ITGA11: variants seen among roughly 807,000 people sequenced by gnomAD.
The protein encoded by ITGA11 is integrin subunit alpha 11.
Under a neutral mutation model 141.9 loss-of-function variants are expected in ITGA11, and 97 were observed. That is an observed-to-expected ratio of 0.68 (90% CI 0.58 to 0.81). ITGA11 has a LOEUF of 0.81. ITGA11 is among the 30% of genes least tolerant of loss of function. The pLI is 0.00. For missense variants in ITGA11, 1,387 were observed against 1,559.2 expected (o/e 0.89, Z 1.86); for synonymous variants, 658 against 624.6 (o/e 1.05, Z -0.80).
chr15:68,315,292 C>T (rs946802116), intron 22 of ITGA11, among the ~76,000 whole-genome samples: 1 of 152,180 alleles, frequency 6.6e-6, no homozygotes, highest in Non-Finnish European at 1.5e-5. Context: ...ATAACCCCTG[C>T]TTTGATGATC....
rs1420363022 is a variant in ITGA11, at chr15:68,400,631, ATAT to A, written c.164+2284_164+2286del. 1.4e-4 allele frequency among the ~76,000 whole-genome samples: 10 copies of A among 74,072 alleles called. 1 individual carries two copies. The South Asian group carries it at 1.5e-3, about 11-fold the overall frequency. The allele number at this position is 74,072 out of a possible 152,430, so 48.6% of individuals were successfully genotyped here. ...ATATATAATATATATTATATAATAAATATTATAATATTATATATTATATAATAA... is the reference window on the plus strand; with the variant it reads ...ATATATAATATATATTATATAATAAATATAATATTATATATTATATAATAA... On this transcript the variant is annotated intron_variant, in intron 2 of 29. Transcript: ENST00000315757.
rs1264252347 is a variant in ITGA11, at chr15:68,335,253, T to C, written c.1425+444A>G. 1.3e-5 allele frequency among the ~76,000 whole-genome samples: 2 copies of C among 152,090 alleles called. No individual in the cohort carries two copies. The highest frequency in any genetic ancestry group is 2.4e-5 in the African/African-American group (1 of 41,424). ...GCTTGACCCAGTCATGAATTTGCCATAGAACCCTGGGAAAGCCACCTTGCT... is the reference window on the plus strand; with the variant it reads ...GCTTGACCCAGTCATGAATTTGCCACAGAACCCTGGGAAAGCCACCTTGCT... On this transcript the variant is annotated intron_variant, in intron 12 of 29. Coordinates refer to ENST00000315757, the MANE Select transcript of ITGA11 (RefSeq NM_001004439.2). This position sits in a 1 kb window ranked among gnomAD's most constrained non-coding sequence, Gnocchi z 4.9.
At position 68,339,491 on chromosome 15, in the gene ITGA11, C is replaced by A; in HGVS notation, c.1276+9G>T. On this transcript the variant is annotated intron_variant, in intron 11 of 29. Transcript: ENST00000315757. Reference sequence around the variant, plus strand: ...GACCCGCCAGCCTCCCCTCACTCTGCGCTCTTACCCAGGTATGCACCATGG... The same window carrying A: ...GACCCGCCAGCCTCCCCTCACTCTGAGCTCTTACCCAGGTATGCACCATGG... 6.2e-7 allele frequency: 1 copy of A among 1,609,730 alleles called. No individual in the cohort carries two copies. Among genetic ancestry groups the A allele is most frequent in the South Asian group, 1.1e-5 (1 of 90,174 alleles).
intron 2 of ITGA11, among the ~76,000 whole-genome samples, chr15:68,396,456 C>G (rs1302868375): frequency 6.6e-6 from 1 of 151,856 alleles, no homozygotes; most frequent in African/African-American, 2.4e-5. Flanking sequence ...AATGAATAAA[C>G]TAGAGTTAAC....
chr15:68,349,399 T>G (rs1032763028), intron 9 of ITGA11, among the ~76,000 whole-genome samples: 1 of 152,228 alleles, frequency 6.6e-6, no homozygotes, highest in African/African-American at 2.4e-5. Flanking sequence ...AGAAATCCCA[T>G]GAGTGCTGAA....
intron 10 of ITGA11, among the ~76,000 whole-genome samples, chr15:68,345,135 T>C (rs939785052): frequency 6.6e-6 from 1 of 152,028 alleles, no homozygotes; most frequent in Non-Finnish European, 1.5e-5. Flanking sequence ...GCTTGACAGG[T>C]AGTTCACTAC....
chr15:68,344,996 T>C (rs1425436306), intron 10 of ITGA11, among the ~76,000 whole-genome samples: 1 of 151,982 alleles, frequency 6.6e-6, no homozygotes, highest in African/African-American at 2.4e-5. Flanking sequence ...GTAGTCCTCT[T>C]TCTCCCTCTG....
intron 1 of ITGA11, among the ~76,000 whole-genome samples, chr15:68,405,030 G>A (rs1386520438): frequency 5.3e-5 from 8 of 152,116 alleles, no homozygotes; most frequent in Admixed American, 2.0e-4. Flanking sequence ...GCTTGGACCC[G>A]CACACGAGTG....
intron 1 of ITGA11, among the ~76,000 whole-genome samples, chr15:68,422,514 C>T (rs1469123824): frequency 6.6e-6 from 1 of 152,156 alleles, no homozygotes; most frequent in Admixed American, 6.5e-5. Context: ...TACCTGCTCC[C>T]CATCGTAGCC....
Position 68,298,055 on chromosome 15 carries a change from TCATC to T in ITGA11, c.*5000_*5003del, listed in dbSNP as rs1242867031. On this transcript the variant is annotated 3_prime_UTR_variant, in exon 30 of 30. Coordinates refer to ENST00000315757, the MANE Select transcript of ITGA11 (RefSeq NM_001004439.2). ...CAATAACCTAGTGAGACTGCGGAAA[TCATC>T]CAGACAGGTTTTAAAACATTTTTTT... 6.6e-6 allele frequency: 1 copy of T among 152,204 alleles called. No homozygotes were observed. The highest frequency in any genetic ancestry group is 1.5e-5 in the Non-Finnish European group (1 of 68,036). The allele number at this position is 152,204 out of a possible 1,614,324, so 9.4% of individuals were successfully genotyped here.
chr15:68,331,484 G>C (rs1385868378), intron 14 of ITGA11, among the ~76,000 whole-genome samples: 1 of 152,098 alleles, frequency 6.6e-6, no homozygotes, highest in East Asian at 1.9e-4. Flanking sequence ...TTTGAGGTGG[G>C]CATGGTTTCT....
chr15:68,313,029 C>T (rs757994807), intron 23 of ITGA11, among the ~76,000 whole-genome samples, 166 bp from the exon 24 acceptor site: 4 of 152,222 alleles, frequency 2.6e-5, no homozygotes, highest in Non-Finnish European at 5.9e-5. Flanking sequence ...GATTCTGAGC[C>T]TTTGCAGGAA....
chr15:68,343,107 G>C (rs538408824), intron 10 of ITGA11, among the ~76,000 whole-genome samples: 1 of 151,684 alleles, frequency 6.6e-6, no homozygotes, highest in African/African-American at 2.4e-5. Context: ...TTCTTAGCAG[G>C]GCACTTGGCA....
At chr15:68,358,693 G>T in intron 5 of ITGA11, 108 bp from the exon 6 acceptor site, 1 of 1,211,216 alleles carries the variant, frequency 8.3e-7, no homozygotes, top group Non-Finnish European at 1.1e-6. Context: ...CTCCATATGT[G>T]TAATTCCCTG....
rs34788905 is a variant in ITGA11, at chr15:68,368,860, C to CTTTT, written c.265+320_265+323dup. ...AAAATCAGGAAAAAGACAGGAAGTC[C>CTTTT]TTTTTTTTTTTTTTTTCTCCTGGGA... On this transcript the variant is annotated intron_variant, in intron 3 of 29. Coordinates refer to ENST00000315757, the MANE Select transcript of ITGA11 (RefSeq NM_001004439.2). 2.4e-4 allele frequency among the ~76,000 whole-genome samples: 32 copies of CTTTT among 134,820 alleles called. 2 individuals are homozygous for CTTTT. Among genetic ancestry groups the CTTTT allele is most frequent in the African/African-American group, 3.1e-4 (11 of 35,986 alleles). 88.4% of individuals were successfully genotyped at this position (134,820 alleles called of 152,430 possible).
chr15:68,309,790 T>C (rs147456394), intron 26 of ITGA11, among the ~76,000 whole-genome samples: 5 of 152,134 alleles, frequency 3.3e-5, no homozygotes, highest in East Asian at 3.9e-4. Flanking sequence ...GAGGTTTCAC[T>C]ATGCTGGCCA....
At chr15:68,417,611 G>T (rs552692097) in intron 1 of ITGA11, among the ~76,000 whole-genome samples, 4 of 152,022 alleles carry the variant, frequency 2.6e-5, no homozygotes, top group Admixed American at 2.0e-4. Context: ...ATTGCATTTA[G>T]AATAGATTCT....
At position 68,328,302 on chromosome 15, in the gene ITGA11, C is replaced by G; in HGVS notation, c.1902-40G>C. 6.3e-7 allele frequency: 1 copy of G among 1,579,584 alleles called. No individual in the cohort carries two copies. Among genetic ancestry groups the G allele is most frequent in the Non-Finnish European group, 8.7e-7 (1 of 1,154,714 alleles). On this transcript the variant is annotated intron_variant, in intron 15 of 29. Coordinates refer to ENST00000315757, the MANE Select transcript of ITGA11 (RefSeq NM_001004439.2). The surrounding 1 kb of genome is among the most constrained non-coding windows in gnomAD (Gnocchi z 4.8). ...CCAGTGAGCTGGGGTGGGGCAGGGG[C>G]TCAGGCTGCCCTGCTGTGACCATGG...
intron 5 of ITGA11, among the ~76,000 whole-genome samples, chr15:68,359,475 G>A (rs779927428): frequency 6.6e-6 from 1 of 152,026 alleles, no homozygotes; most frequent in African/African-American, 2.4e-5. Context: ...GCGAAACCCC[G>A]TCTCTACTAA....
Sources: allele counts gnomAD v4.1 joint callset (sites outside exome capture counted in the v4.1 genomes callset), GRCh38; gene constraint gnomAD v4.1.1; non-coding constraint Gnocchi (gnomAD v3.1); transcripts MANE v1.5; gene names NCBI Gene and HGNC (gene_info 2026-07-23, HGNC 2026-07-21).